Variants in SIK3 observed in about 807,000 individuals in gnomAD.
SIK3 encodes the protein SIK family kinase 3, also known as serine/threonine-protein kinase SIK3.
A neutral mutation model predicts 144.2 loss-of-function variants in SIK3; 28 were observed. The ratio of observed to expected loss-of-function variants is 0.19; its 90% CI spans 0.14 to 0.27. The LOEUF (loss-of-function observed/expected upper bound fraction) is 0.27. SIK3 is among the 10% of genes least tolerant of loss of function. The probability of loss-of-function intolerance (pLI) is 1.00; values close to 1 mark genes in which losing one functional copy is unlikely to be tolerated. For synonymous variants in SIK3, 686 were observed against 676.3 expected, an observed-to-expected ratio of 1.01 and a Z score of -0.22; for missense variants, 1,319 against 1,776.0, an observed-to-expected ratio of 0.74 and a Z score of 4.62.
intron 1 of SIK3, among the ~76,000 whole-genome samples, chr11:117,013,966 TC>T (rs1951405133): frequency 1.5e-5 from 1 of 68,854 alleles, no homozygotes; most frequent in African/African-American, 6.0e-5. Flanking sequence ...TTTCTTTTTT[TC>T]TTTTCTTTTT....
At chr11:117,002,575 C>A (rs1248632225) in intron 1 of SIK3, among the ~76,000 whole-genome samples, 1 of 152,110 alleles carries the variant, frequency 6.6e-6, no homozygotes. Flanking sequence ...GGCAATAGCT[C>A]CTCATTCTAC....
At chr11:116,966,421 A>G (rs1437999322) in intron 1 of SIK3, among the ~76,000 whole-genome samples, 2 of 152,126 alleles carry the variant, frequency 1.3e-5, no homozygotes, top group Non-Finnish European at 2.9e-5. Context: ...AATAATAAGA[A>G]TAACAATACA....
chr11:117,020,239 A>ATG, intron 1 of SIK3, among the ~76,000 whole-genome samples: 1 of 144,834 alleles, frequency 6.9e-6, no homozygotes, highest in African/African-American at 2.7e-5. Context: ...ATATGTGCAT[A>ATG]TATATATACA....
At chr11:116,897,513 C>T (rs1207833303) in intron 4 of SIK3, among the ~76,000 whole-genome samples, 196 bp from the exon 5 acceptor site, 1 of 152,184 alleles carries the variant, frequency 6.6e-6, no homozygotes, top group Non-Finnish European at 1.5e-5. Context: ...GAAATATAAA[C>T]ATGATCAGTT....
In SIK3 at chr11:116,847,490, T is replaced by C. The variant is rs375816542; in HGVS notation, c.3938A>G (p.Asp1313Gly). 2 of 1,614,092 alleles carry C rather than the reference T, an allele frequency of 1.2e-6. No individual in the cohort carries two copies. Among genetic ancestry groups the C allele is most frequent in the African/African-American group, 1.3e-5 (1 of 74,994 alleles). ...SSLMGSQQFQDGENEECGASL... is the reference protein window; with the variant it reads ...SSLMGSQQFQGGENEECGASL... ...AGGCTCCTCACCCTCATTTTCCCCA[T>C]CCTGAAACTGCTGGCTGCCCATGAG... Residue 1313 changes from aspartate (D) to glycine (G), a missense_variant, in exon 23 of 25, where the codon GAT becomes GGT. Around this residue, in one of 8 missense-constraint regions of SIK3, gnomAD observed 646 missense variants for 763.7 expected, o/e 0.85. Coordinates refer to ENST00000445177, the MANE Select transcript of SIK3 (RefSeq NM_001366686.3).
chr11:116,875,737 A>T (rs1044548071), intron 9 of SIK3, 129 bp downstream of exon 9: 2 of 1,172,268 alleles, frequency 1.7e-6, no homozygotes, highest in Non-Finnish European at 2.4e-6. Flanking sequence ...AAAGGAAGAG[A>T]TGACAAATGG....
At chr11:116,905,047 G>T (rs1945954973) in intron 4 of SIK3, 1 of 166,580 alleles carries the variant, frequency 6.0e-6, no homozygotes, top group Non-Finnish European at 1.5e-5. Context: ...AGAAATTTTA[G>T]AACATTTTCA....
chr11:117,024,248 T>C (rs1195555462), intron 1 of SIK3, among the ~76,000 whole-genome samples: 1 of 151,920 alleles, frequency 6.6e-6, no homozygotes, highest in Admixed American at 6.6e-5. Flanking sequence ...AATCTGACTT[T>C]TGTCAGTTGA....
chr11:117,080,983 C>A (rs1221629005), intron 1 of SIK3, among the ~76,000 whole-genome samples: 1 of 151,926 alleles, frequency 6.6e-6, no homozygotes, highest in African/African-American at 2.4e-5. Flanking sequence ...ACCCTAAAAT[C>A]TATCAATAGG....
At chr11:116,953,725 A>T (rs961873198) in intron 3 of SIK3, among the ~76,000 whole-genome samples, 2 of 152,242 alleles carry the variant, frequency 1.3e-5, no homozygotes, top group African/African-American at 4.8e-5. Context: ...CGCACTTGGT[A>T]ACCTCAATTA....
rs377439079 is a variant in SIK3 at position 116,873,930 on chromosome 11, C to T, written c.1554G>A (p.Leu518=). ...FMHNLLPMQN[L]QPTGQLEYKE... ...TGTACTCAAGTTGCCCGGTTGGTTG[C>T]AAGTTTTGCATAGGCAACAGGTTGT... The change falls in exon 12 of 25, where the codon TTG becomes TTA. Residue 518 remains leucine, a synonymous_variant. Transcript: ENST00000445177. 7 of 1,613,134 alleles carry T rather than the reference C, an allele frequency of 4.3e-6. No homozygotes were observed. In the African/African-American group the frequency reaches 9.4e-5, roughly 22 times the overall value.
chr11:116,947,110 C>T (rs1185784253), intron 3 of SIK3, among the ~76,000 whole-genome samples: 4 of 5,914 alleles, frequency 6.8e-4, no homozygotes, highest in Non-Finnish European at 1.3e-3. Flanking sequence ...GACTTCGTCT[C>T]AAAAAAATAT....
chr11:117,032,349 A>G (rs1035869825), intron 1 of SIK3, among the ~76,000 whole-genome samples: 5 of 152,200 alleles, frequency 3.3e-5, no homozygotes, highest in Admixed American at 2.0e-4. Flanking sequence ...AGCATTTTGC[A>G]GTTTTCAGTA....
At chr11:116,859,652 C>T in intron 19 of SIK3, 48 bp from the exon 20 acceptor site, 1 of 1,527,888 alleles carries the variant, frequency 6.5e-7, no homozygotes, top group Non-Finnish European at 9.0e-7. Flanking sequence ...GGCCACCAGC[C>T]AGCCAGAAGT....
chr11:116,901,154 T>C (rs1400853270), intron 4 of SIK3, among the ~76,000 whole-genome samples: 1 of 152,246 alleles, frequency 6.6e-6, no homozygotes, highest in Non-Finnish European at 1.5e-5. Flanking sequence ...CGTAAGCCAC[T>C]GCGCCCAGCC....
chr11:116,864,587 A>G (rs1029896632), intron 15 of SIK3: 4 of 152,320 alleles, frequency 2.6e-5, no homozygotes, highest in African/African-American at 9.6e-5. Context: ...AGCTATTGAT[A>G]AGGAATGCCT....
At chr11:116,894,270 C>A (rs1356471702) in intron 6 of SIK3, among the ~76,000 whole-genome samples, 1 of 152,190 alleles carries the variant, frequency 6.6e-6, no homozygotes, top group Non-Finnish European at 1.5e-5. Context: ...TCTGTAACCA[C>A]TGCCTAAAAA....
At chr11:116,937,996 G>A (rs955027213) in intron 3 of SIK3, among the ~76,000 whole-genome samples, 4 of 152,068 alleles carry the variant, frequency 2.6e-5, no homozygotes, top group African/African-American at 9.7e-5. Flanking sequence ...CTTGAGGCCA[G>A]GAGTTCAAGA....
intron 1 of SIK3, among the ~76,000 whole-genome samples, chr11:117,007,969 A>G (rs915259036): frequency 6.6e-6 from 1 of 150,646 alleles, no homozygotes; most frequent in Non-Finnish European, 1.5e-5. Context: ...CCAGCTACTC[A>G]GGAGGCTGAG....
Sources: gnomAD v4.1 joint callset for allele counts (sites outside exome capture counted in the v4.1 genomes callset) on GRCh38, gnomAD v4.1.1 for gene constraint, gnomAD v4.1.1 regional missense constraint, MANE v1.5 for transcripts, NCBI Gene and HGNC (gene_info 2026-07-23, HGNC 2026-07-21) for gene names.